Variants in CTNNA1 observed in about 807,000 individuals in gnomAD.
The protein encoded by CTNNA1 is catenin alpha-1.
In CTNNA1, 37 loss-of-function variants were observed where a neutral mutation model predicts 98.4. The observed-to-expected ratio is 0.38, with a 90% CI of 0.29 to 0.49. The LOEUF (loss-of-function observed/expected upper bound fraction) is 0.49, where lower values mean the gene tolerates loss of function less well. Among genes scored for constraint, CTNNA1 ranks in the 20% least tolerant of loss-of-function variants. The pLI, the probability that CTNNA1 is intolerant of heterozygous loss-of-function variation, is 0.95. For synonymous variants in CTNNA1, 404 were observed against 413.2 expected, an observed-to-expected ratio of 0.98 and a Z score of 0.27; for missense variants, 761 against 1,147.2, an observed-to-expected ratio of 0.66 and a Z score of 4.86.
At chr5:138,765,481 CAT>C (rs1752831732) in intron 1 of CTNNA1, among the ~76,000 whole-genome samples, 2 of 152,160 alleles carry the variant, frequency 1.3e-5, no homozygotes, top group African/African-American at 2.4e-5. Context: ...TGTGCCTGGC[CAT>C]TTTGCTGTAT....
rs1488143091 is a variant in CTNNA1 at position 138,874,124 on chromosome 5, G to A, written c.1063-12088G>A. ...ATAGAAGAGCTCTGGGTGCAGAGAT[G>A]ACAGCTGATTAAAAGACAGGTCCAA... On this transcript the variant is annotated intron_variant, in intron 7 of 17. Coordinates refer to ENST00000302763, the MANE Select transcript of CTNNA1 (RefSeq NM_001903.5). The surrounding 1 kb of genome is among the most constrained non-coding windows in gnomAD (Gnocchi z 4.1). 2 of 1,613,576 alleles carry A rather than the reference G, an allele frequency of 1.2e-6. No individual in the cohort carries two copies. The highest frequency in any genetic ancestry group is 1.7e-6 in the Non-Finnish European group (2 of 1,179,720).
intron 9 of CTNNA1, among the ~76,000 whole-genome samples, chr5:138,898,989 A>G (rs1757478294): frequency 6.6e-6 from 1 of 152,188 alleles, no homozygotes; most frequent in African/African-American, 2.4e-5. Flanking sequence ...AAGTGGTAGA[A>G]ATTACTACTT....
At position 138,934,153 on chromosome 5, in the gene CTNNA1, C is replaced by T; in HGVS notation, c.*64C>T. 7.7e-7 allele frequency: 1 copy of T among 1,291,966 alleles called. No individual in the cohort carries two copies. The highest frequency in any genetic ancestry group is 2.3e-5 in the East Asian group (1 of 43,134). The allele number at this position is 1,291,966 out of a possible 1,614,324, so 80.0% of individuals were successfully genotyped here. A position where few individuals can be genotyped will look rare whatever the true frequency, so the allele number is the denominator to read the frequency against. On this transcript the variant is annotated 3_prime_UTR_variant, in exon 18 of 18. Transcript: ENST00000302763. ...TGAATATCAGTCACTGTTCGTCACT[C>T]AAATGAATTTGCTAAATACAACACT... is the stretch of plus-strand genomic sequence containing the variant.
chr5:138,887,707 C>A (rs1581485726), intron 9 of CTNNA1, 65 bp downstream of exon 9: 1 of 1,394,996 alleles, frequency 7.2e-7, no homozygotes, highest in Non-Finnish European at 9.9e-7. Context: ...GTTTTAATCA[C>A]ATTATTTAAT....
At chr5:138,756,886 A>C (rs1751709582) in intron 1 of CTNNA1, among the ~76,000 whole-genome samples, 1 of 152,132 alleles carries the variant, frequency 6.6e-6, no homozygotes. Context: ...TGTATTTTGG[A>C]GAAATGAGAC....
intron 11 of CTNNA1, among the ~76,000 whole-genome samples, chr5:138,919,127 T>C (rs1762409107): frequency 6.6e-6 from 1 of 152,198 alleles, no homozygotes. Flanking sequence ...AACAAAAATC[T>C]CATTTGCAAG....
intron 10 of CTNNA1, among the ~76,000 whole-genome samples, chr5:138,909,159 C>G (rs1356055693): frequency 6.6e-6 from 1 of 152,034 alleles, no homozygotes; most frequent in Admixed American, 6.6e-5. Context: ...TGGAGATTAT[C>G]TCACTCAATA....
At chr5:138,838,608 G>A (rs1425255398) in intron 7 of CTNNA1, among the ~76,000 whole-genome samples, 4 of 151,318 alleles carry the variant, frequency 2.6e-5, no homozygotes, top group African/African-American at 9.7e-5. Context: ...CTTATTTTGG[G>A]TTTATTTTAT....
chr5:138,888,481 G>C (rs979709533), intron 9 of CTNNA1, among the ~76,000 whole-genome samples: 33 of 152,076 alleles, frequency 2.2e-4, no homozygotes, highest in African/African-American at 8.0e-4. Flanking sequence ...CAGAAAACGG[G>C]ACCTTATGTA....
At chr5:138,759,534 T>G (rs1042834776) in intron 1 of CTNNA1, among the ~76,000 whole-genome samples, 2 of 152,172 alleles carry the variant, frequency 1.3e-5, no homozygotes, top group African/African-American at 4.8e-5. Flanking sequence ...TTCCTGGAAG[T>G]CTACTTCAGC....
chr5:138,824,793 C>T lies in CTNNA1; in HGVS notation c.852C>T (p.Asn284=). 1 of 1,611,970 alleles carries T rather than the reference C, an allele frequency of 6.2e-7. No individual in the cohort carries two copies. Among genetic ancestry groups the T allele is most frequent in the South Asian group, 1.1e-5 (1 of 91,062 alleles). ...GGGELAYALN[N]FDKQIIVDPL... ...GAGAACTGGCATATGCACTCAATAA[C>T]TTTGACGTAAGTTATGCTTGGGTGG... Residue 284 remains asparagine, a synonymous_variant, in exon 6 of 18, where the codon AAC becomes AAT. Transcript: ENST00000302763.
At chr5:138,776,039 CTTTTTTTTTTT>C (rs57467422) in intron 1 of CTNNA1, among the ~76,000 whole-genome samples, 8 of 83,888 alleles carry the variant, frequency 9.5e-5, no homozygotes, top group Non-Finnish European at 1.5e-4. Context: ...GGAAATGTTT[CTTTTTTTTTTT>C]TTTTTTTTTT....
At chr5:138,833,428 A>G (rs992120187) in intron 7 of CTNNA1, among the ~76,000 whole-genome samples, 1 of 152,260 alleles carries the variant, frequency 6.6e-6, no homozygotes, top group African/African-American at 2.4e-5. Flanking sequence ...CAGAGTTAGT[A>G]TAGAAAAAAG....
Position 138,933,181 on chromosome 5 carries a change from A to C in CTNNA1, c.2433+469A>C, listed in dbSNP as rs559839694. 5.3e-5 allele frequency among the ~76,000 whole-genome samples: 8 copies of C among 152,276 alleles called. No homozygotes were observed. In the South Asian group the frequency reaches 1.2e-3, roughly 24 times the overall value. ...AAACAAAACTTCCTTTTCTTCCCCCAGAGAGGAATTAAGAGTAGACATAGA... is the reference window on the plus strand; with the variant it reads ...AAACAAAACTTCCTTTTCTTCCCCCCGAGAGGAATTAAGAGTAGACATAGA... On this transcript the variant is annotated intron_variant, in intron 17 of 17. Transcript: ENST00000302763.
intron 7 of CTNNA1, among the ~76,000 whole-genome samples, chr5:138,865,881 C>A (rs1343227415): frequency 1.3e-5 from 2 of 152,102 alleles, no homozygotes; most frequent in Non-Finnish European, 2.9e-5. Context: ...TGATAAATAA[C>A]ATTGTTTTTA....
intron 1 of CTNNA1, among the ~76,000 whole-genome samples, chr5:138,776,704 C>T (rs1355889180): frequency 7.3e-5 from 10 of 136,874 alleles, no homozygotes; most frequent in Admixed American, 3.5e-4. Context: ...CCGGACGGGG[C>T]GGCTGGCCGG....
At chr5:138,872,924 C>A in intron 7 of CTNNA1, 1 of 953,478 alleles carries the variant, frequency 1.0e-6, no homozygotes, top group Non-Finnish European at 1.5e-6. Context: ...CTTAATGTCA[C>A]CATTGGTAAA....
intron 3 of CTNNA1, among the ~76,000 whole-genome samples, chr5:138,795,835 T>C (rs1372220946): frequency 6.6e-6 from 1 of 152,128 alleles, no homozygotes; most frequent in Non-Finnish European, 1.5e-5. Flanking sequence ...GCAGTGAACA[T>C]GTGTTTTGAT....
chr5:138,825,375 G>A (rs749519999), intron 6 of CTNNA1, among the ~76,000 whole-genome samples: 15 of 151,908 alleles, frequency 9.9e-5, no homozygotes, highest in Non-Finnish European at 1.3e-4. Flanking sequence ...TGATGCGCTA[G>A]GTCTGTCCTG....
Sources: allele counts gnomAD v4.1 joint callset (sites outside exome capture counted in the v4.1 genomes callset), GRCh38; gene constraint gnomAD v4.1.1; non-coding constraint Gnocchi (gnomAD v3.1); transcripts MANE v1.5; gene names NCBI Gene and HGNC (gene_info 2026-07-23, HGNC 2026-07-21).